Variants in ZBTB20 observed in about 807,000 individuals in gnomAD.
ZBTB20 encodes the protein zinc finger and BTB domain-containing protein 20.
Under a neutral mutation model 56.9 loss-of-function variants are expected in ZBTB20, and 9 were observed. The ratio of observed to expected loss-of-function variants is 0.16; its 90% CI spans 0.10 to 0.28. The LOEUF (loss-of-function observed/expected upper bound fraction) is 0.28. Ranked by LOEUF, ZBTB20 falls within the 10% of genes least tolerant of loss-of-function variation. The pLI, the probability that ZBTB20 is intolerant of heterozygous loss-of-function variation, is 1.00. For synonymous variants in ZBTB20, 417 were observed against 420.7 expected (o/e 0.99, Z 0.11); for missense variants, 655 against 1,003.0 (o/e 0.65, Z 4.69).
intron 4 of ZBTB20, among the ~76,000 whole-genome samples, chr3:114,880,354 T>C (rs1258503371): frequency 6.6e-6 from 1 of 152,158 alleles, no homozygotes; most frequent in Non-Finnish European, 1.5e-5. Flanking sequence ...CACTTACCTC[T>C]GCTTGACCTC....
chr3:114,784,707 C>A (rs1462538716), intron 5 of ZBTB20, among the ~76,000 whole-genome samples: 2 of 152,102 alleles, frequency 1.3e-5, no homozygotes, highest in Non-Finnish European at 2.9e-5. Context: ...GATGAATAAA[C>A]CATACTACAA....
Position 114,947,780 on chromosome 3 carries a change from T to C in ZBTB20, c.-456+26586A>G, listed in dbSNP as rs573754059. ...ATATATCTATGTAACAAAATTACAA[T>C]TGTACACCATAATTTTACACAAATA... On this transcript the variant is annotated intron_variant, in intron 3 of 11. Coordinates refer to ENST00000675478, the MANE Select transcript of ZBTB20 (RefSeq NM_001348800.3). Among the ~76,000 whole-genome samples, 158 of 145,914 alleles carry C rather than the reference T, an allele frequency of 1.1e-3. 3 individuals are homozygous for C. Among genetic ancestry groups the C allele is most frequent in the Non-Finnish European group, 1.9e-3 (131 of 67,788 alleles).
intron 1 of ZBTB20, among the ~76,000 whole-genome samples, chr3:115,092,603 T>A (rs539121782): frequency 7.4e-4 from 112 of 152,048 alleles, no homozygotes; most frequent in Non-Finnish European, 9.9e-4. Flanking sequence ...CATTAGGAAG[T>A]CAGAAGTGAA....
At chr3:115,129,026 G>T (rs1177975290) in intron 1 of ZBTB20, among the ~76,000 whole-genome samples, 2 of 152,000 alleles carry the variant, frequency 1.3e-5, no homozygotes, top group Non-Finnish European at 2.9e-5. Context: ...GTGAACCCGG[G>T]AGGCAGAGCT....
intron 4 of ZBTB20, among the ~76,000 whole-genome samples, chr3:114,844,520 CAAAAAAAAAAAAA>C (rs71146342): frequency 3.5e-4 from 8 of 22,804 alleles, no homozygotes; most frequent in Admixed American, 1.9e-3. Context: ...GTCCCTGTCT[CAAAAAAAAAAAAA>C]AAAAAAAAAA....
At position 114,329,201 on chromosome 3, in the gene ZBTB20, C is replaced by G. The variant is rs1181390602; in HGVS notation, c.*9804G>C. 4 of 152,246 alleles carry G rather than the reference C, an allele frequency of 2.6e-5. No homozygotes were observed. Among genetic ancestry groups the G allele is most frequent in the African/African-American group, 9.6e-5 (4 of 41,530 alleles). The allele number at this position is 152,246 out of a possible 1,614,324, so 9.4% of individuals were successfully genotyped here. Reference sequence around the variant, plus strand: ...AGCAGAATGGGATGGGATTAGAAAACAACAATCTATTAGGAAAGATGAAAG... The same window carrying G: ...AGCAGAATGGGATGGGATTAGAAAAGAACAATCTATTAGGAAAGATGAAAG... On this transcript the variant is annotated 3_prime_UTR_variant, in exon 12 of 12. Transcript: ENST00000675478.
At chr3:114,515,357 T>C (rs2045864821) in intron 6 of ZBTB20, among the ~76,000 whole-genome samples, 1 of 152,216 alleles carries the variant, frequency 6.6e-6, no homozygotes, top group Admixed American at 6.5e-5. Flanking sequence ...AGTTCTCAAC[T>C]GTATTTACCT....
At chr3:114,852,391 G>C (rs1410812721) in intron 4 of ZBTB20, among the ~76,000 whole-genome samples, 2 of 151,942 alleles carry the variant, frequency 1.3e-5, no homozygotes, top group Non-Finnish European at 2.9e-5. Context: ...AGTCTACCGA[G>C]TGGCTGGGAT....
intron 3 of ZBTB20, among the ~76,000 whole-genome samples, chr3:114,965,508 G>T (rs2077614613): frequency 6.6e-6 from 1 of 152,058 alleles, no homozygotes; most frequent in Non-Finnish European, 1.5e-5. Context: ...GACTTTTTTA[G>T]ATTCCACATA....
intron 2 of ZBTB20, among the ~76,000 whole-genome samples, chr3:115,070,941 G>A (rs1010582029): frequency 6.6e-6 from 1 of 151,588 alleles, no homozygotes; most frequent in Non-Finnish European, 1.5e-5. Flanking sequence ...TACTACTTAT[G>A]TGATGGAGTA....
chr3:114,863,528 C>T (rs766594764), intron 4 of ZBTB20, among the ~76,000 whole-genome samples: 1 of 152,088 alleles, frequency 6.6e-6, no homozygotes, highest in African/African-American at 2.4e-5. Flanking sequence ...AACTCTATCA[C>T]ATATGGGCTA....
chr3:114,752,786 C>T (rs1669659137), intron 5 of ZBTB20, among the ~76,000 whole-genome samples: 1 of 152,104 alleles, frequency 6.6e-6, no homozygotes, highest in African/African-American at 2.4e-5. Context: ...CTTATGAAGG[C>T]CACATACTAT....
intron 1 of ZBTB20, among the ~76,000 whole-genome samples, chr3:115,133,002 C>T (rs1194451683): frequency 6.6e-6 from 1 of 152,024 alleles, no homozygotes; most frequent in Non-Finnish European, 1.5e-5. Flanking sequence ...TTTTAATATA[C>T]TTCGTAAGTG....
At position 114,972,953 on chromosome 3, in the gene ZBTB20, A is replaced by T. The variant is rs1043689510; in HGVS notation, c.-456+1413T>A. ...CCACTCCAAAATATACTTTACCTTG[A>T]TTTTGTGAATAAAAATAAATAATCT... is the stretch of plus-strand genomic sequence containing the variant. On this transcript the variant is annotated intron_variant, in intron 3 of 11. Transcript: ENST00000675478. Among the ~76,000 whole-genome samples, 12 of 152,128 alleles carry T rather than the reference A, an allele frequency of 7.9e-5. 1 individual carries two copies. The highest frequency in any genetic ancestry group is 3.9e-4 in the Admixed American group (6 of 15,266).
At chr3:114,636,104 C>T (rs1377121726) in intron 6 of ZBTB20, among the ~76,000 whole-genome samples, 5 of 152,014 alleles carry the variant, frequency 3.3e-5, no homozygotes, top group African/African-American at 1.2e-4. Flanking sequence ...TCCTCACAGG[C>T]AAAGAGAGAG....
chr3:114,887,415 G>A (rs574891485), intron 4 of ZBTB20, among the ~76,000 whole-genome samples: 9 of 152,182 alleles, frequency 5.9e-5, no homozygotes, highest in South Asian at 2.1e-4. Flanking sequence ...TGGGAGATAC[G>A]GTCCTTGCAG....
At chr3:114,616,848 T>C (rs1386681027) in intron 6 of ZBTB20, among the ~76,000 whole-genome samples, 1 of 152,240 alleles carries the variant, frequency 6.6e-6, no homozygotes, top group East Asian at 1.9e-4. Flanking sequence ...ATAGCTTTTC[T>C]TGCTTAGTTG....
intron 10 of ZBTB20, among the ~76,000 whole-genome samples, chr3:114,356,948 T>G (rs1378838075): frequency 6.6e-6 from 1 of 152,148 alleles, no homozygotes; most frequent in Non-Finnish European, 1.5e-5. Context: ...ACTGGAGAAA[T>G]CACACATGCA....
chr3:114,630,832 G>A (rs1304662306), intron 6 of ZBTB20, among the ~76,000 whole-genome samples: 5 of 152,122 alleles, frequency 3.3e-5, no homozygotes, highest in Non-Finnish European at 7.3e-5. Context: ...GGCAATGGGA[G>A]GTAATACATT....
Sources: allele counts gnomAD v4.1 joint callset (sites outside exome capture counted in the v4.1 genomes callset), GRCh38; gene constraint gnomAD v4.1.1; transcripts MANE v1.5; gene names NCBI Gene and HGNC (gene_info 2026-07-23, HGNC 2026-07-21).